The following SPRR2B variants were observed in gnomAD, a reference collection of about 807,000 sequenced individuals.
SPRR2B encodes the protein small proline rich protein 2B.
A neutral mutation model predicts 1.0 loss-of-function variants in SPRR2B; 1 was observed. The ratio of observed to expected loss-of-function variants is 1.01; its 90% confidence interval spans 0.36 to 4.77. SPRR2B has a LOEUF of 4.77. Ranked by LOEUF, SPRR2B falls within the 30% of genes most tolerant of loss-of-function variation. The pLI is 0.16. For synonymous variants in SPRR2B, 27 were observed against 33.4 expected (o/e 0.81, Z 0.66); for missense variants, 53 against 88.7 (o/e 0.60, Z 1.62).
Position 153,070,607 on chromosome 1 carries a change from G to A in SPRR2B, c.*14C>T. ...ATCCTTATCCTCTCATGCTCCTGAT[G>A]AATCCTGAAGCTGTTACTTGCTCTT... On this transcript the variant is annotated 3_prime_UTR_variant, in exon 2 of 2. Coordinates refer to ENST00000368755, the MANE Select transcript of SPRR2B (RefSeq NM_001388198.1). 6.2e-6 allele frequency: 10 copies of A among 1,610,524 alleles called. No individual in the cohort carries two copies. The highest frequency in any genetic ancestry group is 8.5e-6 in the Non-Finnish European group (10 of 1,179,082).
At chr1:153,077,035 T>G in the SPRR2B span, among the ~76,000 whole-genome samples, 1 of 152,062 alleles carries the variant, frequency 6.6e-6, no homozygotes, top group Non-Finnish European at 1.5e-5. Flanking sequence ...GTTCGATGAG[T>G]TCAGTGACAC....
chr1:153,070,261 A>T lies in SPRR2B; in HGVS notation c.*360T>A, dbSNP rs550168370. On this transcript the variant is annotated 3_prime_UTR_variant, in exon 2 of 2. Coordinates refer to ENST00000368755, the MANE Select transcript of SPRR2B (RefSeq NM_001388198.1). ...GATACTTTATTCAGGGAGTGAAAGA[A>T]AAGTGACAATTGCACAGGTGGTAGA... is the stretch of plus-strand genomic sequence containing the variant. The T allele has an allele frequency of 6.0e-5, 27 of 447,924 alleles. No individual in the cohort carries two copies. In the Admixed American group the frequency reaches 7.6e-4, roughly 13 times the overall value. The allele number at this position is 447,924 out of a possible 1,614,324, so 27.7% of individuals were successfully genotyped here.
At chr1:153,080,717 A>G in the SPRR2B span, among the ~76,000 whole-genome samples, 4 of 152,226 alleles carry the variant, frequency 2.6e-5, no homozygotes, top group African/African-American at 9.6e-5. Context: ...CTATAAAAAA[A>G]TACAAACTAA....
chr1:153,086,984 A>G, the SPRR2B span, among the ~76,000 whole-genome samples: 3 of 152,224 alleles, frequency 2.0e-5, no homozygotes, highest in Non-Finnish European at 4.4e-5. Flanking sequence ...TATCTTTTGG[A>G]TAAATAATCA....
chr1:153,084,193 C>G, the SPRR2B span, among the ~76,000 whole-genome samples: 3 of 152,194 alleles, frequency 2.0e-5, no homozygotes, highest in South Asian at 2.1e-4. Flanking sequence ...ACAGCTTCCC[C>G]TGGGCCCAGA....
chr1:153,082,307 C>T, the SPRR2B span, among the ~76,000 whole-genome samples: 5 of 151,870 alleles, frequency 3.3e-5, no homozygotes, highest in African/African-American at 7.3e-5. Context: ...ACTTTAAATG[C>T]AAATGAATTA....
chr1:153,082,820 A>C, the SPRR2B span, among the ~76,000 whole-genome samples: 1 of 152,174 alleles, frequency 6.6e-6, no homozygotes, highest in Non-Finnish European at 1.5e-5. Flanking sequence ...AAAGTAAATT[A>C]AGCTAAACCC....
At chr1:153,082,692 T>C in the SPRR2B span, among the ~76,000 whole-genome samples, 2,528 of 152,062 alleles carry the variant, frequency 0.017, 69 homozygotes, top group African/African-American at 0.058. Context: ...ACCAAACTTA[T>C]GGGTTGCAGC....
chr1:153,080,179 C>T, the SPRR2B span, among the ~76,000 whole-genome samples: 51 of 151,628 alleles, frequency 3.4e-4, no homozygotes, highest in African/African-American at 7.3e-4. Context: ...ACAAAATATG[C>T]GAAGATACAG....
upstream of SPRR2B, among the ~76,000 whole-genome samples, chr1:153,075,412 T>C (rs1654753509): frequency 6.6e-6 from 1 of 151,962 alleles, no homozygotes; most frequent in African/African-American, 2.4e-5. Context: ...TGGCAGATCA[T>C]ACTAGAGTAA....
the SPRR2B span, among the ~76,000 whole-genome samples, chr1:153,076,997 T>C: frequency 6.6e-6 from 1 of 152,220 alleles, no homozygotes; most frequent in African/African-American, 2.4e-5. Flanking sequence ...GGCAAACTTA[T>C]GCATCCAAAA....
chr1:153,070,473 G>A lies in SPRR2B; in HGVS notation c.*148C>T. On this transcript the variant is annotated 3_prime_UTR_variant, in exon 2 of 2. Transcript: ENST00000368755. The stretch of plus-strand genomic sequence containing the variant: ...TAGAAAGGAAACCTTTTGCTATCAG[G>A]GAACATCATGGGCAGATCACAGGCT... 7.1e-7 allele frequency: 1 copy of A among 1,407,994 alleles called. No individual in the cohort carries two copies. The allele number at this position is 1,407,994 out of a possible 1,614,324, so 87.2% of individuals were successfully genotyped here.
the SPRR2B span, among the ~76,000 whole-genome samples, chr1:153,083,175 A>G: frequency 1.1e-4 from 16 of 152,220 alleles, no homozygotes; most frequent in Non-Finnish European, 2.2e-4. Context: ...TAGATGTATA[A>G]TAAGTAAGGA....
At chr1:153,079,386 A>G in the SPRR2B span, among the ~76,000 whole-genome samples, 1 of 152,110 alleles carries the variant, frequency 6.6e-6, no homozygotes, top group Non-Finnish European at 1.5e-5. Flanking sequence ...CCATTTGTCA[A>G]TTTTGGCTTT....
chr1:153,077,773 C>A, the SPRR2B span, among the ~76,000 whole-genome samples: 6 of 152,212 alleles, frequency 3.9e-5, no homozygotes, highest in African/African-American at 1.2e-4. Flanking sequence ...TGCCACCACA[C>A]CCAGCTAATT....
the SPRR2B span, among the ~76,000 whole-genome samples, chr1:153,083,543 A>G: frequency 6.6e-6 from 1 of 152,180 alleles, no homozygotes. Context: ...CTTCTAACAG[A>G]TATTCAGAGG....
chr1:153,076,985 G>A, the SPRR2B span, among the ~76,000 whole-genome samples: 3 of 152,186 alleles, frequency 2.0e-5, no homozygotes, highest in South Asian at 2.1e-4. Context: ...ATTTCCATAA[G>A]AGGCAAACTT....
the SPRR2B span, among the ~76,000 whole-genome samples, chr1:153,078,774 T>G: frequency 6.6e-6 from 1 of 152,326 alleles, no homozygotes; most frequent in African/African-American, 2.4e-5. Context: ...TGTTGGACAT[T>G]TGGGCTGGTT....
upstream of SPRR2B, among the ~76,000 whole-genome samples, chr1:153,073,834 C>A (rs1297268226): frequency 6.6e-6 from 1 of 152,032 alleles, no homozygotes; most frequent in Non-Finnish European, 1.5e-5. Context: ...TACTTCTACT[C>A]CATAATTTTC....
Sources: allele counts gnomAD v4.1 joint callset (sites outside exome capture counted in the v4.1 genomes callset), GRCh38; gene constraint gnomAD v4.1.1; transcripts MANE v1.5; gene names NCBI Gene and HGNC (gene_info 2026-07-23, HGNC 2026-07-21).